PAAF1: variants seen among roughly 807,000 people sequenced by gnomAD.
The protein encoded by PAAF1 is proteasomal ATPase associated factor 1.
A neutral mutation model predicts 52.8 loss-of-function variants in PAAF1; 46 were observed. The ratio of observed to expected loss-of-function variants is 0.87; its 90% CI spans 0.69 to 1.11. The LOEUF is 1.11. Ranked by LOEUF, PAAF1 falls within the 50% of genes most tolerant of loss-of-function variation. PAAF1 has a pLI of 0.00. For missense variants in PAAF1, 424 were observed against 477.4 expected, an observed-to-expected ratio of 0.89 and a Z score of 1.04; for synonymous variants, 178 against 172.8, an observed-to-expected ratio of 1.03 and a Z score of -0.24.
Position 73,921,976 on chromosome 11 carries a change from G to A in PAAF1, c.1019-2639G>A, listed in dbSNP as rs933248406. ...CTTCAGACACTCAGAAACGTAGACA[G>A]AGATACGTATATCAAGGTCCTGTCA... On this transcript the variant is annotated intron_variant, in intron 10 of 11. Transcript: ENST00000310571. 3 of 863,150 alleles carry A rather than the reference G, an allele frequency of 3.5e-6. No individual in the cohort carries two copies. In the African/African-American group the frequency reaches 5.1e-5, roughly 15 times the overall value. The allele number at this position is 863,150 out of a possible 1,614,324, so 53.5% of individuals were successfully genotyped here. A position where few individuals can be genotyped will look rare whatever the true frequency, so the allele number is the denominator to read the frequency against.
intron 2 of PAAF1, among the ~76,000 whole-genome samples, chr11:73,881,317 A>G (rs1256654995): frequency 1.3e-5 from 2 of 152,130 alleles, no homozygotes; most frequent in Non-Finnish European, 2.9e-5. Flanking sequence ...AACAGAATCT[A>G]GCTCTGTCAC....
chr11:73,927,395 A>G lies in PAAF1; in HGVS notation c.*33A>G. On this transcript the variant is annotated 3_prime_UTR_variant, in exon 12 of 12. Coordinates refer to ENST00000310571, the MANE Select transcript of PAAF1 (RefSeq NM_025155.3). Reference sequence around the variant, plus strand: ...GAAAGAGCAGTCCCGGTTAGTGAAAAGGTTTGACCCTGATCAACAATGAGC... The same window carrying G: ...GAAAGAGCAGTCCCGGTTAGTGAAAGGGTTTGACCCTGATCAACAATGAGC... 6.4e-7 allele frequency: 1 copy of G among 1,563,588 alleles called. No individual in the cohort carries two copies. Among genetic ancestry groups the G allele is most frequent in the Non-Finnish European group, 8.8e-7 (1 of 1,135,184 alleles).
intron 2 of PAAF1, 100 bp from the exon 3 acceptor site, chr11:73,887,254 A>G (rs755699975): frequency 2.6e-6 from 2 of 778,694 alleles, no homozygotes; most frequent in Non-Finnish European, 4.0e-6. Context: ...GGCCAATTTC[A>G]TGGGTATACT....
intron 6 of PAAF1, among the ~76,000 whole-genome samples, chr11:73,905,180 CT>C (rs1480637759): frequency 6.6e-6 from 1 of 151,866 alleles, no homozygotes; most frequent in Non-Finnish European, 1.5e-5. Flanking sequence ...TCTGGTAAGT[CT>C]TAGCTATGGC....
At chr11:73,917,440 C>G (rs1950098482) in intron 9 of PAAF1, among the ~76,000 whole-genome samples, 2 of 152,242 alleles carry the variant, frequency 1.3e-5, no homozygotes, top group African/African-American at 4.8e-5. Context: ...CACAATCTCT[C>G]TGTTGCAGGA....
intron 4 of PAAF1, among the ~76,000 whole-genome samples, chr11:73,898,093 G>T (rs1298745580): frequency 2.0e-5 from 3 of 152,010 alleles, no homozygotes; most frequent in African/African-American, 7.2e-5. Context: ...TGAGGCAGGA[G>T]AATCAGGCAG....
intron 6 of PAAF1, among the ~76,000 whole-genome samples, chr11:73,902,785 C>A (rs1416571981): frequency 4.6e-5 from 7 of 152,182 alleles, no homozygotes; most frequent in Non-Finnish European, 1.0e-4. Flanking sequence ...CAACCTCTGC[C>A]TCCTTGGTTC....
intron 8 of PAAF1, among the ~76,000 whole-genome samples, chr11:73,915,909 T>G (rs1280707087): frequency 2.0e-5 from 3 of 152,220 alleles, no homozygotes; most frequent in Non-Finnish European, 4.4e-5. Context: ...TTTGCTAATA[T>G]CGCCTTTGTA....
In PAAF1 at chr11:73,905,607, G is replaced by T. The variant is rs77001985; in HGVS notation, c.533-3792G>T. 7.6e-3 allele frequency among the ~76,000 whole-genome samples: 1,157 copies of T among 151,680 alleles called. 30 individuals are homozygous for T. Among genetic ancestry groups the T allele is most frequent in the East Asian group, 0.042 (216 of 5,166 alleles). ...GGCTCCTCTTTTCTTTATTCTTGTC[G>T]TGTAAGTGTTAAGAGACCCACACTA... On this transcript the variant is annotated intron_variant, in intron 6 of 11. Transcript: ENST00000310571.
rs146821622 is a variant in PAAF1 at position 73,883,146 on chromosome 11, C to T, written c.89-4208C>T. On this transcript the variant is annotated intron_variant, in intron 2 of 11. Coordinates refer to ENST00000310571, the MANE Select transcript of PAAF1 (RefSeq NM_025155.3). ...GAACTCCTGTGTTTATTTTTTAATA[C>T]ATGGGGTCTCGCTGTGTTTCCCAGG... 3.6e-4 allele frequency among the ~76,000 whole-genome samples: 55 copies of T among 152,204 alleles called. 1 individual carries two copies. The East Asian group carries it at 0.01, about 28-fold the overall frequency.
In PAAF1 at chr11:73,916,662, T is replaced by C. The variant is rs1429502401; in HGVS notation, c.935+2T>C. On this transcript the variant is annotated splice_donor_variant, in intron 9 of 11. Coordinates refer to ENST00000310571, the MANE Select transcript of PAAF1 (RefSeq NM_025155.3). LOFTEE classifies it high-confidence loss of function. ...TCAGCTGGATGTGAGGAGTCCAAGG[T>C]GAGTCACCATTCATTTACATGATGC... is the stretch of plus-strand genomic sequence containing the variant. 6.2e-7 allele frequency: 1 copy of C among 1,606,002 alleles called. No individual in the cohort carries two copies. Among genetic ancestry groups the C allele is most frequent in the Non-Finnish European group, 8.5e-7 (1 of 1,173,060 alleles).
At chr11:73,916,687 C>T (rs1362152009) in intron 9 of PAAF1, 27 bp downstream of exon 9, 3 of 1,544,608 alleles carry the variant, frequency 1.9e-6, no homozygotes, top group East Asian at 2.3e-5. Context: ...TTACATGATG[C>T]AGGTCTTCTG....
intron 9 of PAAF1, among the ~76,000 whole-genome samples, chr11:73,918,245 G>A (rs893662301): frequency 1.3e-5 from 2 of 151,880 alleles, no homozygotes; most frequent in African/African-American, 4.8e-5. Flanking sequence ...GAAAACAGGA[G>A]CTGCTCTGAC....
At chr11:73,918,485 A>AT (rs555343944) in intron 9 of PAAF1, among the ~76,000 whole-genome samples, 2,877 of 108,194 alleles carry the variant, frequency 0.027, 60 homozygotes, top group South Asian at 0.082. Flanking sequence ...TTTTTTTTTT[A>AT]TTTTTTTTTG....
chr11:73,887,309 A>G, intron 2 of PAAF1, 45 bp from the exon 3 acceptor site: 1 of 1,442,316 alleles, frequency 6.9e-7, no homozygotes, highest in Non-Finnish European at 9.6e-7. Context: ...GAAAAATAAT[A>G]AATTTTTCTT....
At chr11:73,897,059 A>G (rs1949403769) in intron 4 of PAAF1, among the ~76,000 whole-genome samples, 1 of 132,304 alleles carries the variant, frequency 7.6e-6, no homozygotes, top group Non-Finnish European at 1.6e-5. Context: ...GCGGCCGGGC[A>G]GAGGCGCCCC....
rs140716201 is a variant in PAAF1, at chr11:73,916,568, C to T, written c.843C>T (p.Asp281=). Residue 281 remains aspartate, a synonymous_variant, in exon 9 of 12, where the codon GAC becomes GAT. Coordinates refer to ENST00000310571, the MANE Select transcript of PAAF1 (RefSeq NM_025155.3). ...AGGTGTTCCTCTTTATTGGCTCAGACGCTTTCAACTGCTGTACTTTTCTCT... is the reference window on the plus strand; with the variant it reads ...AGGTGTTCCTCTTTATTGGCTCAGATGCTTTCAACTGCTGTACTTTTCTCT... ...RQLVFLFIGS[D]AFNCCTFLSG... 3.2e-4 allele frequency: 517 copies of T among 1,613,472 alleles called. No individual in the cohort carries two copies. Among genetic ancestry groups the T allele is most frequent in the Non-Finnish European group, 4.2e-4 (497 of 1,179,652 alleles).
Position 73,927,525 on chromosome 11 carries a change from C to G in PAAF1, c.*163C>G. 3 of 640,278 alleles carry G rather than the reference C, an allele frequency of 4.7e-6. No individual in the cohort carries two copies. The South Asian group carries it at 5.6e-5, about 12-fold the overall frequency. The allele number at this position is 640,278 out of a possible 1,614,324, so 39.7% of individuals were successfully genotyped here. On this transcript the variant is annotated 3_prime_UTR_variant, in exon 12 of 12. Coordinates refer to ENST00000310571, the MANE Select transcript of PAAF1 (RefSeq NM_025155.3). ...TACTGGCCGTGTGGAACTCTCATCC[C>G]AAGACCTACTTTGAACTGAGTAAGA...
chr11:73,878,620 C>T (rs1179037023), intron 1 of PAAF1, among the ~76,000 whole-genome samples, 159 bp from the exon 2 acceptor site: 2 of 152,210 alleles, frequency 1.3e-5, no homozygotes, highest in Non-Finnish European at 2.9e-5. Context: ...TAAAGTTTGT[C>T]TGTCTTAGAA....
Sources: allele counts gnomAD v4.1 joint callset (sites outside exome capture counted in the v4.1 genomes callset), GRCh38; gene constraint gnomAD v4.1.1; transcripts MANE v1.5; gene names NCBI Gene and HGNC (gene_info 2026-07-23, HGNC 2026-07-21).